The following SLCO1B1 variants were observed in gnomAD, a reference collection of about 807,000 sequenced individuals.
SLCO1B1 encodes the protein OATP-2.
In SLCO1B1, 81 loss-of-function variants were observed where a neutral mutation model predicts 70.1. That is an observed-to-expected ratio of 1.16 (90% CI 0.97 to 1.39). The LOEUF is 1.39. Ranked by LOEUF, SLCO1B1 falls within the 40% of genes most tolerant of loss-of-function variation. The pLI is 0.00. For missense variants in SLCO1B1, 895 were observed against 799.6 expected (o/e 1.12, Z -1.44); for synonymous variants, 283 against 271.5 (o/e 1.04, Z -0.42).
At chr12:21,154,781 G>A (rs958306187) in intron 2 of SLCO1B1, among the ~76,000 whole-genome samples, 1 of 151,866 alleles carries the variant, frequency 6.6e-6, no homozygotes, top group Admixed American at 6.6e-5. Flanking sequence ...TTCCAAAATT[G>A]TTTCCAGTAC....
rs142779699 is a variant in SLCO1B1, at chr12:21,198,461, G to A, written c.970+1273G>A. On this transcript the variant is annotated intron_variant, in intron 8 of 14. Transcript: ENST00000256958. ...CAAATCAAATCTTTAAAAAATAGTA[G>A]ATTGTCTAAACCTATAAGGAGCGGG... Among the ~76,000 whole-genome samples, 441 of 152,066 alleles carry A rather than the reference G, an allele frequency of 2.9e-3. 6 individuals carry two copies. The highest frequency in any genetic ancestry group is 9.9e-3 in the African/African-American group (410 of 41,516).
chr12:21,184,325 GAAAT>G (rs1248353046), intron 7 of SLCO1B1, among the ~76,000 whole-genome samples: 34 of 152,202 alleles, frequency 2.2e-4, no homozygotes, highest in Middle Eastern at 3.4e-3. Context: ...CCACATGAAA[GAAAT>G]AAATATTTTA....
intron 4 of SLCO1B1, among the ~76,000 whole-genome samples, chr12:21,174,984 C>T (rs577186371): frequency 2.1e-4 from 32 of 152,154 alleles, no homozygotes; most frequent in African/African-American, 3.4e-4. Flanking sequence ...ATATACTGTA[C>T]GTCTTTGCCT....
chr12:21,179,182 T>A (rs1940862795), intron 7 of SLCO1B1, among the ~76,000 whole-genome samples, 162 bp downstream of exon 7: 2 of 152,164 alleles, frequency 1.3e-5, no homozygotes, highest in African/African-American at 2.4e-5. Context: ...AGAATAAATA[T>A]AAAATCCAGC....
chr12:21,195,653 TC>T (rs1941082992), intron 7 of SLCO1B1, among the ~76,000 whole-genome samples: 1 of 152,142 alleles, frequency 6.6e-6, no homozygotes. Flanking sequence ...TCGAAATATT[TC>T]CCTCCCCATA....
chr12:21,189,702 C>A (rs913160238), intron 7 of SLCO1B1, among the ~76,000 whole-genome samples: 1 of 152,094 alleles, frequency 6.6e-6, no homozygotes. Flanking sequence ...TTTGTCTTGG[C>A]CTCCCAAAGT....
intron 2 of SLCO1B1, among the ~76,000 whole-genome samples, chr12:21,159,103 G>T (rs1012182694): frequency 6.6e-6 from 1 of 152,104 alleles, no homozygotes; most frequent in Non-Finnish European, 1.5e-5. Context: ...AATTACAAAA[G>T]TCCCTCTGTG....
intron 1 of SLCO1B1, among the ~76,000 whole-genome samples, chr12:21,132,677 G>C (rs1940156392): frequency 6.6e-6 from 1 of 152,098 alleles, no homozygotes; most frequent in South Asian, 2.1e-4. Flanking sequence ...ACTTCTTGAT[G>C]GGGTCGTTTG....
chr12:21,215,476 A>G (rs1941346556), intron 11 of SLCO1B1, among the ~76,000 whole-genome samples: 1 of 152,178 alleles, frequency 6.6e-6, no homozygotes, highest in South Asian at 2.1e-4. Context: ...GTAGTGAATC[A>G]CATTTATTGA....
At chr12:21,196,799 T>A in intron 7 of SLCO1B1, 147 bp from the exon 8 acceptor site, 1 of 738,030 alleles carries the variant, frequency 1.4e-6, no homozygotes, top group Non-Finnish European at 2.3e-6. Context: ...AGACTGATCC[T>A]AGTCTCAGAG....
intron 2 of SLCO1B1, among the ~76,000 whole-genome samples, chr12:21,160,216 A>G (rs2121076188): frequency 6.6e-6 from 1 of 152,138 alleles, no homozygotes; most frequent in African/African-American, 2.4e-5. Flanking sequence ...ATGCCGTCTG[A>G]TTTCAAACTA....
chr12:21,186,559 C>T (rs771453013), intron 7 of SLCO1B1, among the ~76,000 whole-genome samples: 9 of 151,810 alleles, frequency 5.9e-5, no homozygotes, highest in Non-Finnish European at 7.4e-5. Context: ...AGAAAAGTCA[C>T]GACATTACAA....
chr12:21,196,208 G>T (rs1941090021), intron 7 of SLCO1B1, among the ~76,000 whole-genome samples: 1 of 152,066 alleles, frequency 6.6e-6, no homozygotes, highest in South Asian at 2.1e-4. Flanking sequence ...AGAAAAAAGG[G>T]TCCAGTCCTT....
rs765114418 is a variant in SLCO1B1 at position 21,202,478 on chromosome 12, C to CT, written c.1136-5dup. Reference sequence around the variant, plus strand: ...CTCATATATGATTACAACTTTTTTTCTTTTTTTTCTAGGAGTCATAACCAT... The same window carrying CT: ...CTCATATATGATTACAACTTTTTTTCTTTTTTTTTCTAGGAGTCATAACCAT... On this transcript the variant is annotated splice_polypyrimidine_tract_variant and intron_variant, in intron 9 of 14. Transcript: ENST00000256958. 82 of 1,548,152 alleles carry CT rather than the reference C, an allele frequency of 5.3e-5. No homozygotes were observed. Among genetic ancestry groups the CT allele is most frequent in the East Asian group, 1.1e-4 (5 of 44,332 alleles).
intron 12 of SLCO1B1, among the ~76,000 whole-genome samples, chr12:21,218,392 A>G (rs763863246): frequency 3.9e-5 from 6 of 152,172 alleles, no homozygotes; most frequent in African/African-American, 1.2e-4. Flanking sequence ...TTAACATTCA[A>G]TTGTACTTTT....
chr12:21,193,572 G>T (rs77819645), intron 7 of SLCO1B1, among the ~76,000 whole-genome samples: 1,579 of 152,086 alleles, frequency 0.01, 37 homozygotes, highest in South Asian at 0.039. Context: ...TTTGCAACTT[G>T]AGACAGTTTT....
At position 21,136,690 on chromosome 12, in the gene SLCO1B1, T is replaced by G. The variant is rs577774062; in HGVS notation, c.-61-4824T>G. On this transcript the variant is annotated intron_variant, in intron 1 of 14. Transcript: ENST00000256958. ...TTGGTTTTCAGCTCCATCAAGTCCT[T>G]TAAGAACTTCTCTGCATTGGTTATT... 9.2e-5 allele frequency among the ~76,000 whole-genome samples: 14 copies of G among 152,342 alleles called. No homozygotes were observed. In the South Asian group the frequency reaches 2.7e-3, roughly 29 times the overall value.
chr12:21,205,741 G>T, intron 10 of SLCO1B1, 127 bp from the exon 11 acceptor site: 6 of 670,006 alleles, frequency 9.0e-6, no homozygotes, highest in South Asian at 2.4e-5. Context: ...TTCATATAAA[G>T]AAAAATTCTT....
intron 2 of SLCO1B1, among the ~76,000 whole-genome samples, chr12:21,172,426 T>C (rs1940767119): frequency 6.6e-6 from 1 of 152,232 alleles, no homozygotes; most frequent in Non-Finnish European, 1.5e-5. Context: ...CTCTAATATT[T>C]TGATATTATA....
Sources: gnomAD v4.1 joint callset for allele counts (sites outside exome capture counted in the v4.1 genomes callset) on GRCh38, gnomAD v4.1.1 for gene constraint, MANE v1.5 for transcripts, NCBI Gene and HGNC (gene_info 2026-07-23, HGNC 2026-07-21) for gene names.